The following NUP153 variants were observed in gnomAD, a reference collection of about 807,000 sequenced individuals.
NUP153 encodes nuclear pore complex protein Nup153.
Under a neutral mutation model 134.6 loss-of-function variants are expected in NUP153, and 27 were observed. That is an observed-to-expected ratio of 0.20 (90% CI 0.15 to 0.28). The LOEUF (loss-of-function observed/expected upper bound fraction) is 0.28. Ranked by LOEUF, NUP153 falls within the 10% of genes least tolerant of loss-of-function variation. NUP153 has a pLI of 1.00. For synonymous variants in NUP153, 640 were observed against 623.5 expected (o/e 1.03, Z -0.40); for missense variants, 1,821 against 1,731.3 (o/e 1.05, Z -0.92).
Position 17,629,398 on chromosome 6 carries a change from A to G in NUP153, c.2801T>C (p.Ile934Thr), listed in dbSNP as rs141169660. ...FKFGDQGGFK[I>T]GVSSDSGSIN... ...AGACCCAGAATCGGATGACACACCT[A>G]TTTTGAATCCTCCCTGATCTCCAAA... The change falls in exon 18 of 22, where the codon ATA becomes ACA. Residue 934 changes from isoleucine (I) to threonine (T), a missense_variant. Physicochemically the swap from Ile to Thr is moderately conservative, Grantham distance 89 (BLOSUM62 -1). Coordinates refer to ENST00000262077, the MANE Select transcript of NUP153 (RefSeq NM_005124.4). 8.4e-4 allele frequency: 1,354 copies of G among 1,614,066 alleles called. 17 individuals carry two copies. In the Admixed American group the frequency reaches 0.016, roughly 20 times the overall value.
At chr6:17,690,390 G>A (rs1769204650) in intron 1 of NUP153, among the ~76,000 whole-genome samples, 1 of 151,886 alleles carries the variant, frequency 6.6e-6, no homozygotes, top group Non-Finnish European at 1.5e-5. Flanking sequence ...AAAAAAAAAA[G>A]TATGGGCTTT....
At chr6:17,676,371 T>C (rs1232459614) in intron 2 of NUP153, among the ~76,000 whole-genome samples, 1 of 152,212 alleles carries the variant, frequency 6.6e-6, no homozygotes, top group African/African-American at 2.4e-5. Flanking sequence ...TTTATTCCTC[T>C]CTTCCTCTAA....
chr6:17,639,787 CA>C, intron 15 of NUP153, 151 bp downstream of exon 15: 1 of 612,972 alleles, frequency 1.6e-6, no homozygotes, highest in Non-Finnish European at 2.6e-6. Context: ...ATATTTCCAG[CA>C]AAAGAATTAC....
At chr6:17,686,153 A>AAAAG (rs142756581) in intron 2 of NUP153, among the ~76,000 whole-genome samples, 55 of 149,502 alleles carry the variant, frequency 3.7e-4, no homozygotes, top group African/African-American at 9.9e-4. Context: ...GTCTTTAAAA[A>AAAAG]AAAGAAAGAA....
At chr6:17,674,715 T>C (rs1290478124) in intron 5 of NUP153, among the ~76,000 whole-genome samples, 190 bp downstream of exon 5, 6 of 151,980 alleles carry the variant, frequency 3.9e-5, no homozygotes, top group African/African-American at 1.5e-4. Flanking sequence ...GGTTGCAGTG[T>C]GGTCCGAGAT....
chr6:17,617,049 G>A (rs1348234663), intron 20 of NUP153, among the ~76,000 whole-genome samples: 5 of 152,082 alleles, frequency 3.3e-5, no homozygotes, highest in African/African-American at 9.7e-5. Flanking sequence ...GCACCCGGCC[G>A]CAACATGATA....
chr6:17,624,869 G>A, intron 19 of NUP153, 36 bp from the exon 20 acceptor site: 1 of 1,512,844 alleles, frequency 6.6e-7, no homozygotes, highest in South Asian at 1.3e-5. Context: ...TCACCATGGT[G>A]GCTAATGTCA....
intron 1 of NUP153, among the ~76,000 whole-genome samples, chr6:17,697,066 G>A (rs989203029): frequency 6.1e-5 from 9 of 147,052 alleles, no homozygotes; most frequent in South Asian, 2.2e-4. Context: ...GCAAGACTCC[G>A]TCTCAAAAAA....
chr6:17,668,710 G>T (rs1227888074), intron 8 of NUP153, among the ~76,000 whole-genome samples: 1 of 151,862 alleles, frequency 6.6e-6, no homozygotes, highest in Admixed American at 6.6e-5. Flanking sequence ...GGGCATGATG[G>T]CACGTGCCTG....
intron 13 of NUP153, among the ~76,000 whole-genome samples, chr6:17,646,514 G>A (rs528171294): frequency 6.6e-6 from 1 of 151,976 alleles, no homozygotes; most frequent in Non-Finnish European, 1.5e-5. Context: ...CCCAAATATA[G>A]AGGTTATTTT....
rs752931628 is a variant in NUP153, at chr6:17,628,801, A to T, written c.3398T>A (p.Phe1133Tyr). 1.3e-5 allele frequency: 21 copies of T among 1,614,150 alleles called. No individual in the cohort carries two copies. The highest frequency in any genetic ancestry group is 1.7e-5 in the Non-Finnish European group (20 of 1,180,026). ...GGTTTGCTCTGAATTCCCAAAGGAA[A>T]ACACTGGTTGACACTTTGGCTCTTC... Reference protein sequence around the residue: ...DNEEPKCQPVFSFGNSEQTKD... With the variant: ...DNEEPKCQPVYSFGNSEQTKD... The change falls in exon 18 of 22, where the codon TTT becomes TAT. Residue 1133 changes from phenylalanine (F) to tyrosine (Y), a missense_variant. By Grantham distance (22) the Phe-to-Tyr change is conservative. Coordinates refer to ENST00000262077, the MANE Select transcript of NUP153 (RefSeq NM_005124.4). The surrounding 1 kb of genome is among the most constrained non-coding windows in gnomAD (Gnocchi z 5.4).
intron 16 of NUP153, among the ~76,000 whole-genome samples, chr6:17,635,300 A>G (rs1371433809): frequency 6.6e-6 from 1 of 151,918 alleles, no homozygotes; most frequent in East Asian, 1.9e-4. Flanking sequence ...TAGTAGAGAC[A>G]GGGGTTCACT....
At chr6:17,669,154 C>T (rs1767740510) in intron 7 of NUP153, 126 bp from the exon 8 acceptor site, 14 of 995,420 alleles carry the variant, frequency 1.4e-5, no homozygotes, top group Admixed American at 2.4e-5. Flanking sequence ...TCTTGACTCA[C>T]TGCAACCTCT....
chr6:17,663,248 C>T (rs1767307914), intron 9 of NUP153, among the ~76,000 whole-genome samples: 1 of 135,386 alleles, frequency 7.4e-6, no homozygotes, highest in South Asian at 2.3e-4. Context: ...CACACACACA[C>T]ACACACACAC....
In NUP153 at chr6:17,638,233, T is replaced by C. The variant is rs187248379; in HGVS notation, c.1847-463A>G. 7.0e-4 allele frequency among the ~76,000 whole-genome samples: 107 copies of C among 152,286 alleles called. No individual in the cohort carries two copies. Among genetic ancestry groups the C allele is most frequent in the Non-Finnish European group, 1.2e-3 (85 of 68,002 alleles). ...CATAACCTACTGCTGTGGTATTCTC[T>C]ACCTTCAGTAAAATCAGCTGAGCAA... On this transcript the variant is annotated intron_variant, in intron 15 of 21. Transcript: ENST00000262077. This position sits in a 1 kb window ranked among gnomAD's most constrained non-coding sequence, Gnocchi z 4.0.
In NUP153 at chr6:17,628,068, T is replaced by C. The variant is rs552587337; in HGVS notation, c.3544+587A>G. 2.0e-5 allele frequency among the ~76,000 whole-genome samples: 3 copies of C among 152,338 alleles called. No homozygotes were observed. The highest frequency in any genetic ancestry group is 7.2e-5 in the African/African-American group (3 of 41,586). ...AAATTCTAGTTCACTAATCTGATTA[T>C]CAGCTATGAAGTTCTTCCTGCTATT... On this transcript the variant is annotated intron_variant, in intron 18 of 21. Coordinates refer to ENST00000262077, the MANE Select transcript of NUP153 (RefSeq NM_005124.4). The surrounding 1 kb of genome is among the most constrained non-coding windows in gnomAD (Gnocchi z 5.4).
Position 17,703,170 on chromosome 6 carries a change from C to G in NUP153, c.111+3107G>C, listed in dbSNP as rs186210953. ...CCAAGATCGAGCCACTGCACTCCAG[C>G]CTGGGCCACAGAACGAGACTCCATC... is the stretch of plus-strand genomic sequence containing the variant. On this transcript the variant is annotated intron_variant, in intron 1 of 21. Coordinates refer to ENST00000262077, the MANE Select transcript of NUP153 (RefSeq NM_005124.4). Among the ~76,000 whole-genome samples, 439 of 148,648 alleles carry G rather than the reference C, an allele frequency of 3.0e-3. 3 individuals are homozygous for G. Among genetic ancestry groups the G allele is most frequent in the African/African-American group, 9.9e-3 (396 of 40,116 alleles).
chr6:17,694,465 C>G (rs1019618055), intron 1 of NUP153, among the ~76,000 whole-genome samples: 2 of 152,076 alleles, frequency 1.3e-5, no homozygotes, highest in African/African-American at 4.8e-5. Context: ...TCAAGACCAG[C>G]CTGGCCAACA....
intron 5 of NUP153, among the ~76,000 whole-genome samples, chr6:17,671,755 C>A: frequency 6.6e-6 from 1 of 152,092 alleles, no homozygotes; most frequent in Non-Finnish European, 1.5e-5. Context: ...ACCTATAATA[C>A]CAGCACTTTT....
Sources: allele counts gnomAD v4.1 joint callset (sites outside exome capture counted in the v4.1 genomes callset), GRCh38; gene constraint gnomAD v4.1.1; non-coding constraint Gnocchi (gnomAD v3.1); transcripts MANE v1.5; gene names NCBI Gene and HGNC (gene_info 2026-07-23, HGNC 2026-07-21).